The following COG3 variants were observed in gnomAD, a reference collection of about 807,000 sequenced individuals.
COG3 encodes the protein conserved oligomeric Golgi complex subunit 3.
COG3 carries 32 observed loss-of-function variants against 114.1 expected under a neutral mutation model. The ratio of observed to expected loss-of-function variants is 0.28; its 90% CI spans 0.21 to 0.38. The LOEUF is 0.38. COG3 is among the 10% of genes least tolerant of loss of function. COG3 has a pLI of 1.00. For missense variants in COG3, 813 were observed against 973.2 expected, an observed-to-expected ratio of 0.84 and a Z score of 2.19; for synonymous variants, 352 against 365.7, an observed-to-expected ratio of 0.96 and a Z score of 0.43.
Position 45,525,634 on chromosome 13 carries a change from GTTT to G in COG3, c.2230+599_2230+601del, listed in dbSNP as rs59577529. Among the ~76,000 whole-genome samples, 11 of 56,632 alleles carry G rather than the reference GTTT, an allele frequency of 1.9e-4. No individual in the cohort carries two copies. In the South Asian group the frequency reaches 2.7e-3, roughly 14 times the overall value. The allele number at this position is 56,632 out of a possible 152,430, so 37.2% of individuals were successfully genotyped here. A position where few individuals can be genotyped will look rare whatever the true frequency, so the allele number is the denominator to read the frequency against. ...ATTTTTTTGTGCTGGAGGGCTTTGG[GTTT>G]TTTTTTTTTTTTTTTGGTCTTTAGC... On this transcript the variant is annotated intron_variant, in intron 20 of 22. Transcript: ENST00000349995.
At chr13:45,476,139 T>C (rs185697387) in intron 1 of COG3, 62 bp from the exon 2 acceptor site, 1 of 1,520,068 alleles carries the variant, frequency 6.6e-7, no homozygotes, top group Admixed American at 1.8e-5. Context: ...AAACCCAATC[T>C]TGAGTTAAGT....
intron 21 of COG3, 108 bp from the exon 22 acceptor site, chr13:45,530,574 G>C: frequency 1.4e-6 from 1 of 714,338 alleles, no homozygotes; most frequent in Admixed American, 1.9e-5. Flanking sequence ...TATCATGAAA[G>C]ATACATCGCT....
At chr13:45,527,573 G>C (rs549617206) in intron 20 of COG3, among the ~76,000 whole-genome samples, 15 of 152,222 alleles carry the variant, frequency 9.9e-5, no homozygotes, top group Admixed American at 7.8e-4. Context: ...AGGGTTACTG[G>C]TTCATTCAGA....
At chr13:45,516,948 A>G (rs1472317765) in intron 17 of COG3, among the ~76,000 whole-genome samples, 1 of 152,146 alleles carries the variant, frequency 6.6e-6, no homozygotes, top group African/African-American at 2.4e-5. Context: ...TTGGTAATAG[A>G]CATTGAATCA....
intron 22 of COG3, chr13:45,531,868 A>G (rs1341299853): frequency 6.6e-6 from 1 of 152,124 alleles, no homozygotes; most frequent in Non-Finnish European, 1.5e-5. Flanking sequence ...CGGAGGGAGA[A>G]ATGGGGTCAT....
chr13:45,517,091 T>A (rs1473618877), intron 17 of COG3, among the ~76,000 whole-genome samples: 1 of 152,188 alleles, frequency 6.6e-6, no homozygotes, highest in Non-Finnish European at 1.5e-5. Flanking sequence ...TACACATCCC[T>A]CATGTCCCTT....
Position 45,483,331 on chromosome 13 carries a change from C to G in COG3, c.819C>G (p.Thr273=). 6.3e-7 allele frequency: 1 copy of G among 1,585,912 alleles called. No individual in the cohort carries two copies. Among genetic ancestry groups the G allele is most frequent in the South Asian group, 1.2e-5 (1 of 85,418 alleles). Reference sequence around the variant, plus strand: ...CATATACTGTGAACACACTACAGACCCTCACAAGTCAGTTACTGAAAAGGG... The same window carrying G: ...CATATACTGTGAACACACTACAGACGCTCACAAGTCAGTTACTGAAAAGGG... The part of the protein sequence containing the change: ...MKTYTVNTLQ[T]LTSQLLKRDP... Residue 273 remains threonine, a synonymous_variant, in exon 7 of 23, where the codon ACC becomes ACG. Coordinates refer to ENST00000349995, the MANE Select transcript of COG3 (RefSeq NM_031431.4).
chr13:45,511,730 T>C (rs766699484), intron 15 of COG3, 35 bp from the exon 16 acceptor site: 1 of 1,529,442 alleles, frequency 6.5e-7, no homozygotes, highest in Non-Finnish European at 9.0e-7. Context: ...TTTTGTCAAA[T>C]GCCACAGGCT....
At chr13:45,467,612 C>T (rs768602907) in intron 1 of COG3, among the ~76,000 whole-genome samples, 6 of 152,058 alleles carry the variant, frequency 3.9e-5, no homozygotes, top group African/African-American at 7.2e-5. Flanking sequence ...ATGCAGTAGC[C>T]GAGCTGGTTA....
Position 45,535,144 on chromosome 13 carries a change from A to G in COG3, c.*413A>G. 1 of 996,832 alleles carries G rather than the reference A, an allele frequency of 1.0e-6. No individual in the cohort carries two copies. The highest frequency in any genetic ancestry group is 1.2e-6 in the Non-Finnish European group (1 of 837,868). 61.7% of individuals were successfully genotyped at this position (996,832 alleles called of 1,614,324 possible). A position where few individuals can be genotyped will look rare whatever the true frequency, so the allele number is the denominator to read the frequency against. ...GGTTTGCTAAAACGTGAAACACTGT[A>G]ACACTTTTAACCACTGAGCATTCCA... On this transcript the variant is annotated 3_prime_UTR_variant, in exon 23 of 23. Transcript: ENST00000349995.
chr13:45,487,320 CA>C (rs1195850617), intron 8 of COG3, among the ~76,000 whole-genome samples: 1 of 152,174 alleles, frequency 6.6e-6, no homozygotes, highest in Non-Finnish European at 1.5e-5. Context: ...TGTTTTAGGA[CA>C]TTGGTCTAGG....
chr13:45,474,444 G>C (rs1358112288), intron 1 of COG3, among the ~76,000 whole-genome samples: 1 of 152,098 alleles, frequency 6.6e-6, no homozygotes, highest in East Asian at 1.9e-4. Flanking sequence ...TTACAGGCGT[G>C]AGCCACCGTG....
At chr13:45,480,102 C>A in intron 3 of COG3, 23 bp from the exon 4 acceptor site, 1 of 1,558,668 alleles carries the variant, frequency 6.4e-7, no homozygotes, top group Non-Finnish European at 8.7e-7. Context: ...TATTGCCAAT[C>A]CCCTTTTGGT....
chr13:45,532,571 T>G (rs1166310998), intron 22 of COG3, among the ~76,000 whole-genome samples: 3 of 60,710 alleles, frequency 4.9e-5, no homozygotes, highest in South Asian at 6.0e-4. Context: ...TTTTTTTTTT[T>G]TTTTTTTTTT....
intron 8 of COG3, among the ~76,000 whole-genome samples, chr13:45,488,847 C>T (rs1295378217): frequency 6.6e-6 from 1 of 151,808 alleles, no homozygotes; most frequent in Non-Finnish European, 1.5e-5. Context: ...TAATAATCTA[C>T]TTTTGCTTAC....
chr13:45,478,913 C>T (rs1480667783), intron 2 of COG3, 92 bp from the exon 3 acceptor site: 6 of 842,470 alleles, frequency 7.1e-6, no homozygotes, highest in African/African-American at 3.4e-5. Context: ...ACTTGGATAA[C>T]GTCTGTCCTT....
At chr13:45,519,604 CCTT>C (rs1275053587) in intron 19 of COG3, among the ~76,000 whole-genome samples, 1 of 152,208 alleles carries the variant, frequency 6.6e-6, no homozygotes, top group Admixed American at 6.5e-5. Context: ...AGTCAGTCCT[CCTT>C]CACATTGGTG....
chr13:45,488,803 ATATT>A (rs1886831330), intron 8 of COG3, among the ~76,000 whole-genome samples: 1 of 151,944 alleles, frequency 6.6e-6, no homozygotes, highest in Non-Finnish European at 1.5e-5. Context: ...TGGTGCATAT[ATATT>A]CTTTCTACTC....
chr13:45,491,393 C>T lies in COG3; in HGVS notation c.969-19C>T, dbSNP rs1268473665. The T allele has an allele frequency of 1.3e-6, 2 of 1,592,410 alleles. No individual in the cohort carries two copies. The highest frequency in any genetic ancestry group is 8.5e-7 in the Non-Finnish European group (1 of 1,173,674). On this transcript the variant is annotated intron_variant, in intron 9 of 22. Transcript: ENST00000349995. ...ACATATCTGAAATGAAAAGTTTAAT[C>T]TCATTTGCTTTCTGTCAGATACCAA...
Sources: gnomAD v4.1 joint callset for allele counts (sites outside exome capture counted in the v4.1 genomes callset) on GRCh38, gnomAD v4.1.1 for gene constraint, MANE v1.5 for transcripts, NCBI Gene and HGNC (gene_info 2026-07-23, HGNC 2026-07-21) for gene names.